The following SETBP1 variants were observed in gnomAD, a reference collection of about 807,000 sequenced individuals.
SETBP1 encodes SET binding protein 1.
Under a neutral mutation model 101.0 loss-of-function variants are expected in SETBP1, and 9 were observed. The observed-to-expected ratio is 0.09, with a 90% CI of 0.05 to 0.16. SETBP1 has a LOEUF of 0.16. SETBP1 is among the 10% of genes least tolerant of loss of function. SETBP1 has a pLI of 1.00. For synonymous variants in SETBP1, 818 were observed against 788.5 expected (o/e 1.04, Z -0.63); for missense variants, 1,858 against 2,033.8 (o/e 0.91, Z 1.66).
intron 3 of SETBP1, chr18:44,876,852 G>A: frequency 7.0e-7 from 1 of 1,419,242 alleles, no homozygotes; most frequent in Non-Finnish European, 9.2e-7. Context: ...GTGAGTGACA[G>A]CATTTGGGCT....
chr18:45,057,030 T>G (rs2073820481), intron 5 of SETBP1, among the ~76,000 whole-genome samples: 1 of 152,176 alleles, frequency 6.6e-6, no homozygotes, highest in South Asian at 2.1e-4. Flanking sequence ...TAAGATGATA[T>G]TAAGAACAGA....
chr18:45,019,191 T>C (rs1488329528), intron 4 of SETBP1, among the ~76,000 whole-genome samples: 1 of 152,196 alleles, frequency 6.6e-6, no homozygotes, highest in African/African-American at 2.4e-5. Flanking sequence ...ACTTTGATGA[T>C]TTTAAAAATG....
intron 3 of SETBP1, among the ~76,000 whole-genome samples, chr18:44,879,897 G>A (rs1393502966): frequency 6.6e-6 from 1 of 152,162 alleles, no homozygotes; most frequent in Non-Finnish European, 1.5e-5. Flanking sequence ...CATGGAAGAG[G>A]AATAGCTATA....
intron 3 of SETBP1, among the ~76,000 whole-genome samples, chr18:44,945,582 GAGGCAGCC>G (rs2071188358): frequency 1.3e-5 from 2 of 152,206 alleles, no homozygotes; most frequent in Admixed American, 1.3e-4. Context: ...AGAGAGGTGG[GAGGCAGCC>G]AGGCAGCCAT....
chr18:44,947,338 G>T (rs915952464), intron 3 of SETBP1, among the ~76,000 whole-genome samples: 6 of 152,012 alleles, frequency 3.9e-5, no homozygotes, highest in Admixed American at 3.3e-4. Context: ...GTAGGAGTTA[G>T]GGCCCAAGAT....
At chr18:44,702,123 G>A (rs1185051184) in intron 2 of SETBP1, among the ~76,000 whole-genome samples, 1 of 152,000 alleles carries the variant, frequency 6.6e-6, no homozygotes, top group Non-Finnish European at 1.5e-5. Flanking sequence ...AATTAAGCTA[G>A]AGAAAACGAT....
At chr18:44,835,076 A>G (rs1300382742) in intron 2 of SETBP1, among the ~76,000 whole-genome samples, 1 of 152,076 alleles carries the variant, frequency 6.6e-6, no homozygotes, top group Non-Finnish European at 1.5e-5. Flanking sequence ...GATTTTACAG[A>G]GCAGCTAGAG....
At chr18:44,899,301 G>T (rs750092298) in intron 3 of SETBP1, among the ~76,000 whole-genome samples, 1 of 152,130 alleles carries the variant, frequency 6.6e-6, no homozygotes, top group African/African-American at 2.4e-5. Context: ...CACATTTGTC[G>T]AGTAATTTCC....
At chr18:44,709,509 T>A (rs2069294005) in intron 2 of SETBP1, among the ~76,000 whole-genome samples, 1 of 152,164 alleles carries the variant, frequency 6.6e-6, no homozygotes, top group African/African-American at 2.4e-5. Flanking sequence ...AGTTGGAAAA[T>A]CAGGGATAAC....
chr18:44,892,873 G>A (rs1419231096), intron 3 of SETBP1, among the ~76,000 whole-genome samples: 1 of 151,920 alleles, frequency 6.6e-6, no homozygotes, highest in Non-Finnish European at 1.5e-5. Flanking sequence ...TCTCCTCCTA[G>A]CTCTGTTCAC....
At chr18:45,044,750 G>GTTA in intron 5 of SETBP1, among the ~76,000 whole-genome samples, 1 of 152,228 alleles carries the variant, frequency 6.6e-6, no homozygotes, top group East Asian at 1.9e-4. Flanking sequence ...AAAAACTAAA[G>GTTA]TTATTTCAAA....
At chr18:45,032,080 G>T (rs1316892364) in intron 4 of SETBP1, among the ~76,000 whole-genome samples, 1 of 152,092 alleles carries the variant, frequency 6.6e-6, no homozygotes, top group Non-Finnish European at 1.5e-5. Flanking sequence ...AATATTGAGA[G>T]TTCTGTACCT....
chr18:45,027,647 G>C (rs10502848), intron 4 of SETBP1, among the ~76,000 whole-genome samples: 1 of 152,106 alleles, frequency 6.6e-6, no homozygotes, highest in Non-Finnish European at 1.5e-5. Flanking sequence ...ACTAAGTGTA[G>C]TGCTAAGAAG....
chr18:44,807,452 C>A (rs2071771662), intron 2 of SETBP1, among the ~76,000 whole-genome samples: 1 of 152,066 alleles, frequency 6.6e-6, no homozygotes. Context: ...CATTTCCATT[C>A]ATATTTGGTG....
intron 3 of SETBP1, among the ~76,000 whole-genome samples, chr18:44,890,876 A>G (rs2069752315): frequency 6.6e-6 from 1 of 152,110 alleles, no homozygotes. Context: ...ACTGGATTGG[A>G]ATTTACATGG....
At chr18:44,758,000 T>C (rs1221022270) in intron 2 of SETBP1, among the ~76,000 whole-genome samples, 1 of 152,208 alleles carries the variant, frequency 6.6e-6, no homozygotes, top group East Asian at 1.9e-4. Flanking sequence ...ATGAGTCTCT[T>C]ATACATTGTC....
At chr18:44,722,199 G>C (rs2069615264) in intron 2 of SETBP1, among the ~76,000 whole-genome samples, 1 of 152,116 alleles carries the variant, frequency 6.6e-6, no homozygotes, top group Non-Finnish European at 1.5e-5. Context: ...TAGATGTTTG[G>C]GGGGCCTGGA....
chr18:44,968,212 G>C (rs887572763), intron 4 of SETBP1, among the ~76,000 whole-genome samples: 1 of 152,080 alleles, frequency 6.6e-6, no homozygotes, highest in Non-Finnish European at 1.5e-5. Flanking sequence ...TATATGTATA[G>C]TGTTCTTTGA....
chr18:44,884,772 A>G (rs2069603147), intron 3 of SETBP1, among the ~76,000 whole-genome samples: 1 of 152,076 alleles, frequency 6.6e-6, no homozygotes, highest in Non-Finnish European at 1.5e-5. Context: ...TGGCACCTCA[A>G]AGAGTTTTTT....
Sources: gnomAD v4.1 joint callset for allele counts (sites outside exome capture counted in the v4.1 genomes callset) on GRCh38, gnomAD v4.1.1 for gene constraint, MANE v1.5 for transcripts, NCBI Gene and HGNC (gene_info 2026-07-23, HGNC 2026-07-21) for gene names.